Variants in CDC42BPA observed in about 807,000 individuals in gnomAD.
CDC42BPA encodes the protein CDC42 binding protein kinase alpha.
CDC42BPA carries 80 observed loss-of-function variants against 223.5 expected under a neutral mutation model. The observed-to-expected ratio is 0.36, with a 90% CI of 0.30 to 0.43. The LOEUF is 0.43. Among genes scored for constraint, CDC42BPA ranks in the 20% least tolerant of loss-of-function variants. The pLI is 1.00. For synonymous variants in CDC42BPA, 694 were observed against 718.6 expected (o/e 0.97, Z 0.55); for missense variants, 1,743 against 2,099.9 (o/e 0.83, Z 3.32).
intron 12 of CDC42BPA, among the ~76,000 whole-genome samples, chr1:227,116,932 T>C (rs1407803300): frequency 1.3e-5 from 2 of 152,148 alleles, no homozygotes; most frequent in African/African-American, 4.8e-5. Flanking sequence ...TATTTATCTA[T>C]ATTCCAAAGG....
rs140354654 is a variant in CDC42BPA at position 226,996,809 on chromosome 1, C to T, written c.4976-1829G>A. Among the ~76,000 whole-genome samples the T allele has an allele frequency of 6.0e-3, 918 of 152,210 alleles. 9 individuals are homozygous for T. The highest frequency in any genetic ancestry group is 0.021 in the African/African-American group (860 of 41,530). On this transcript the variant is annotated intron_variant, in intron 35 of 36. Transcript: ENST00000366766. ...CAGTCTTGCATCTCAGGGATGAAGC[C>T]GACTTGATCGTGGTGGATAAGCTTT... is the stretch of plus-strand genomic sequence containing the variant.
At chr1:227,222,058 A>C (rs1441751179) in intron 2 of CDC42BPA, among the ~76,000 whole-genome samples, 1 of 82,352 alleles carries the variant, frequency 1.2e-5, no homozygotes, top group East Asian at 2.5e-4. Context: ...CTACCAAAAA[A>C]AAAAAAAAAA....
rs553519104 is a variant in CDC42BPA, at chr1:227,027,960, A to G, written c.4432+697T>C. On this transcript the variant is annotated intron_variant, in intron 30 of 36. Transcript: ENST00000366766. ...ATGAGACCATCTCTACAAAAACAAA[A>G]AATAAAAACATAAGCTGGGTGTGGT... Among the ~76,000 whole-genome samples, 6 of 152,094 alleles carry G rather than the reference A, an allele frequency of 3.9e-5. No homozygotes were observed. In the South Asian group the frequency reaches 1.3e-3, roughly 32 times the overall value.
At chr1:227,227,966 T>C (rs941283930) in intron 2 of CDC42BPA, among the ~76,000 whole-genome samples, 1 of 152,200 alleles carries the variant, frequency 6.6e-6, no homozygotes, top group African/African-American at 2.4e-5. Context: ...GTTCATATCC[T>C]TTATCCATTA....
intron 3 of CDC42BPA, among the ~76,000 whole-genome samples, chr1:227,200,964 C>G (rs556718441): frequency 6.6e-6 from 1 of 152,194 alleles, no homozygotes; most frequent in African/African-American, 2.4e-5. Context: ...GCTTTATATA[C>G]ACTTACTGGA....
chr1:227,209,738 G>A (rs1673526774), intron 3 of CDC42BPA, among the ~76,000 whole-genome samples: 2 of 148,872 alleles, frequency 1.3e-5, no homozygotes, highest in Non-Finnish European at 1.5e-5. Context: ...GCTTTTTGAT[G>A]TGCTGCTGGA....
chr1:227,258,193 A>G (rs890621505), intron 1 of CDC42BPA, among the ~76,000 whole-genome samples: 1 of 149,884 alleles, frequency 6.7e-6, no homozygotes, highest in Non-Finnish European at 1.5e-5. Context: ...AAAAAAAAAA[A>G]AGAACTGAAA....
intron 1 of CDC42BPA, among the ~76,000 whole-genome samples, chr1:227,307,781 A>G (rs564416117): frequency 6.6e-6 from 1 of 152,344 alleles, no homozygotes; most frequent in African/African-American, 2.4e-5. Flanking sequence ...TCTTCAATAC[A>G]TAAAAAGTCC....
At chr1:227,077,331 T>C (rs1360430357) in intron 17 of CDC42BPA, among the ~76,000 whole-genome samples, 1 of 152,200 alleles carries the variant, frequency 6.6e-6, no homozygotes, top group Non-Finnish European at 1.5e-5. Flanking sequence ...ATTTCCAGCC[T>C]AATGACCAGA....
chr1:226,999,670 T>C (rs1662374524), intron 35 of CDC42BPA, among the ~76,000 whole-genome samples: 1 of 152,108 alleles, frequency 6.6e-6, no homozygotes. Flanking sequence ...TGCAGCACTA[T>C]TCACCATAGC....
intron 10 of CDC42BPA, among the ~76,000 whole-genome samples, chr1:227,135,293 G>A (rs531463132): frequency 1.1e-3 from 168 of 152,142 alleles, no homozygotes; most frequent in Non-Finnish European, 1.9e-3. Context: ...TGGGAAGTTA[G>A]GGAGCTTTGA....
chr1:227,120,357 A>C (rs1688456487), intron 11 of CDC42BPA, among the ~76,000 whole-genome samples: 1 of 152,240 alleles, frequency 6.6e-6, no homozygotes, highest in Admixed American at 6.5e-5. Flanking sequence ...GGTGGTTCCA[A>C]ATCACTCAGT....
rs573099542 is a variant in CDC42BPA at position 227,181,943 on chromosome 1, A to C, written c.599+11843T>G. ...TTCAACCTCCAACACCCAGGACACTAGCATCCACAGGAAAAACATAATAAA... is the reference window on the plus strand; with the variant it reads ...TTCAACCTCCAACACCCAGGACACTCGCATCCACAGGAAAAACATAATAAA... On this transcript the variant is annotated intron_variant, in intron 5 of 36. Coordinates refer to ENST00000366766, the MANE Select transcript of CDC42BPA (RefSeq NM_001394014.1). Among the ~76,000 whole-genome samples, 28 of 152,320 alleles carry C rather than the reference A, an allele frequency of 1.8e-4. No individual in the cohort carries two copies. The East Asian group carries it at 5.4e-3, about 29-fold the overall frequency.
chr1:227,165,111 G>A (rs1558655529), intron 5 of CDC42BPA, among the ~76,000 whole-genome samples: 1 of 152,134 alleles, frequency 6.6e-6, no homozygotes, highest in Non-Finnish European at 1.5e-5. Context: ...GTAGAAAACA[G>A]AAATCCTTCT....
chr1:227,083,171 G>A (rs1422254342), intron 16 of CDC42BPA, among the ~76,000 whole-genome samples: 1 of 152,098 alleles, frequency 6.6e-6, no homozygotes, highest in Non-Finnish European at 1.5e-5. Context: ...TGCCTTTTGG[G>A]AAACCAATTA....
chr1:227,009,612 G>T (rs1037693807), intron 34 of CDC42BPA, among the ~76,000 whole-genome samples: 1 of 151,814 alleles, frequency 6.6e-6, no homozygotes, highest in African/African-American at 2.4e-5. Context: ...ATGGGGTCTC[G>T]CTATGGTTGC....
intron 1 of CDC42BPA, among the ~76,000 whole-genome samples, chr1:227,295,104 C>T (rs888825540): frequency 5.9e-5 from 9 of 151,894 alleles, no homozygotes; most frequent in South Asian, 2.1e-4. Context: ...AGTTAAAGAA[C>T]GTTTTAGTAT....
chr1:227,153,550 G>A (rs1339305737), intron 6 of CDC42BPA, among the ~76,000 whole-genome samples: 1 of 151,868 alleles, frequency 6.6e-6, no homozygotes, highest in Non-Finnish European at 1.5e-5. Flanking sequence ...ACTAGGAAAA[G>A]GGGGGCAAAA....
chr1:227,277,626 TA>T (rs1687326110), intron 1 of CDC42BPA, among the ~76,000 whole-genome samples: 1 of 152,226 alleles, frequency 6.6e-6, no homozygotes, highest in African/African-American at 2.4e-5. Context: ...TAATGGAATT[TA>T]AAAACTGAAA....
Sources: allele counts gnomAD v4.1 joint callset (sites outside exome capture counted in the v4.1 genomes callset), GRCh38; gene constraint gnomAD v4.1.1; transcripts MANE v1.5; gene names NCBI Gene and HGNC (gene_info 2026-07-23, HGNC 2026-07-21).